Variants in TMEM47 observed in about 807,000 individuals in gnomAD.
TMEM47 encodes the protein brain cell membrane protein 1.
A neutral mutation model predicts 12.4 loss-of-function variants in TMEM47; 3 were observed. The ratio of observed to expected loss-of-function variants is 0.24; its 90% confidence interval spans 0.11 to 0.63. The LOEUF (loss-of-function observed/expected upper bound fraction) is 0.63. Ranked by LOEUF, TMEM47 falls within the 20% of genes least tolerant of loss-of-function variation. The pLI, the probability that TMEM47 is intolerant of heterozygous loss-of-function variation, is 0.86. For synonymous variants in TMEM47, 62 were observed against 63.3 expected (o/e 0.98, Z 0.10); for missense variants, 89 against 143.8 (o/e 0.62, Z 1.95).
chrX:34,657,267 C>G lies in TMEM47; in HGVS notation c.-238G>C, dbSNP rs1486200735. The G allele has an allele frequency of 1.1e-4, 35 of 306,394 alleles. No homozygotes were observed. The highest frequency in any genetic ancestry group is 1.5e-4 in the Non-Finnish European group (32 of 207,609). The allele number at this position is 306,394 out of a possible 1,213,427, so 25.3% of individuals were successfully genotyped here. On this transcript the variant is annotated 5_prime_UTR_variant, in exon 1 of 3. Coordinates refer to ENST00000275954, the MANE Select transcript of TMEM47 (RefSeq NM_031442.4). ...CGATTCCACCCCGGACCTTCGCCGC[C>G]GGCCCCGCGCCGCGCTCTGCCAGCG... is the stretch of plus-strand genomic sequence containing the variant.
At chrX:34,649,456 C>G (rs1394241747) in intron 1 of TMEM47, among the ~76,000 whole-genome samples, 1 of 111,173 alleles carries the variant, frequency 9.0e-6, no homozygotes, top group Non-Finnish European at 1.9e-5. Context: ...GAACAGAAAA[C>G]CAAATACAGC....
intron 2 of TMEM47, among the ~76,000 whole-genome samples, chrX:34,638,139 A>T (rs1256735424): frequency 1.8e-5 from 2 of 111,848 alleles, no homozygotes; most frequent in African/African-American, 6.5e-5. Context: ...TGCATAAATA[A>T]GTGAGGAAGT....
At chrX:34,652,612 T>A (rs991698405) in intron 1 of TMEM47, among the ~76,000 whole-genome samples, 1 of 112,104 alleles carries the variant, frequency 8.9e-6, no homozygotes, top group Non-Finnish European at 1.9e-5. Context: ...AGAAATTATA[T>A]CTGTTCACAC....
chrX:34,656,730 G>A, intron 1 of TMEM47, 74 bp downstream of exon 1: 1 of 1,131,780 alleles, frequency 8.8e-7, no homozygotes, highest in Non-Finnish European at 1.2e-6. Context: ...GGGGACAGGC[G>A]GTGACTGTCC....
chrX:34,630,260 C>A lies in TMEM47; in HGVS notation c.*53G>T. On this transcript the variant is annotated 3_prime_UTR_variant, in exon 3 of 3. Coordinates refer to ENST00000275954, the MANE Select transcript of TMEM47 (RefSeq NM_031442.4). ...AATAGTAAGTTAGAAAAGATGCAGA[C>A]GTAATCCTTTTGTTGGATGGTGGTG... The A allele has an allele frequency of 9.3e-7, 1 of 1,078,508 alleles. No individual in the cohort carries two copies. Among genetic ancestry groups the A allele is most frequent in the Non-Finnish European group, 1.2e-6 (1 of 801,026 alleles). The allele number at this position is 1,078,508 out of a possible 1,213,427, so 88.9% of individuals were successfully genotyped here.
intron 1 of TMEM47, among the ~76,000 whole-genome samples, chrX:34,653,281 C>T (rs1428845841): frequency 8.9e-6 from 1 of 111,893 alleles, no homozygotes; most frequent in Non-Finnish European, 1.9e-5. Flanking sequence ...ACTCACGTTA[C>T]AAATGCAGCT....
chrX:34,642,146 T>G (rs949686122), intron 1 of TMEM47, among the ~76,000 whole-genome samples: 1 of 112,613 alleles, frequency 8.9e-6, no homozygotes, highest in Admixed American at 9.4e-5. Flanking sequence ...CGTGAGCCAC[T>G]GCACCCAGCC....
At chrX:34,641,739 C>G (rs4269688) in intron 1 of TMEM47, among the ~76,000 whole-genome samples, 1 of 111,455 alleles carries the variant, frequency 9.0e-6, no homozygotes, top group Admixed American at 9.5e-5. Context: ...AAGGGCCAGA[C>G]GAGAAATATT....
intron 2 of TMEM47, among the ~76,000 whole-genome samples, chrX:34,636,585 T>C (rs73465246): frequency 0.046 from 5,173 of 111,664 alleles, 288 homozygotes; most frequent in African/African-American, 0.16. Context: ...ACCAAGTCTT[T>C]AGTGAGAACT....
At chrX:34,654,240 A>T (rs184562246) in intron 1 of TMEM47, among the ~76,000 whole-genome samples, 2 of 112,228 alleles carry the variant, frequency 1.8e-5, no homozygotes, top group Non-Finnish European at 1.9e-5. Context: ...ACATTCCTGA[A>T]ATGCTCCTTC....
chrX:34,637,867 A>AC (rs1921744587), intron 2 of TMEM47, among the ~76,000 whole-genome samples: 1 of 109,036 alleles, frequency 9.2e-6, no homozygotes. Flanking sequence ...TACTTTTATT[A>AC]TTTTTTTTTC....
Position 34,627,247 on chromosome X carries a change from T to C in TMEM47, c.*3066A>G, listed in dbSNP as rs1313926795. 2.7e-5 allele frequency: 3 copies of C among 112,273 alleles called. No individual in the cohort carries two copies. Among genetic ancestry groups the C allele is most frequent in the Non-Finnish European group, 3.8e-5 (2 of 53,202 alleles). 9.3% of individuals were successfully genotyped at this position (112,273 alleles called of 1,213,427 possible). ...AAATAACCAGGATACCATGAATTCA[T>C]GTTTAAGTAGTAAACATGTCATATA... On this transcript the variant is annotated 3_prime_UTR_variant, in exon 3 of 3. Coordinates refer to ENST00000275954, the MANE Select transcript of TMEM47 (RefSeq NM_031442.4).
At chrX:34,635,322 C>T (rs775689673) in intron 2 of TMEM47, among the ~76,000 whole-genome samples, 1 of 111,982 alleles carries the variant, frequency 8.9e-6, no homozygotes. Flanking sequence ...GATAATGTAA[C>T]CTTTTAATGG....
At chrX:34,647,538 G>A (rs1437790643) in intron 1 of TMEM47, among the ~76,000 whole-genome samples, 1 of 111,371 alleles carries the variant, frequency 9.0e-6, no homozygotes, top group Non-Finnish European at 1.9e-5. Context: ...TTTTTTAAGT[G>A]AGAGTCTTCA....
At chrX:34,631,559 G>C (rs1440696058) in intron 2 of TMEM47, among the ~76,000 whole-genome samples, 1 of 111,954 alleles carries the variant, frequency 8.9e-6, no homozygotes, top group Non-Finnish European at 1.9e-5. Flanking sequence ...AGAGATAATG[G>C]TACAGGAAAA....
chrX:34,655,612 A>G (rs1922090352), intron 1 of TMEM47, among the ~76,000 whole-genome samples: 1 of 111,977 alleles, frequency 8.9e-6, no homozygotes, highest in East Asian at 2.8e-4. Context: ...GACAAAAGAA[A>G]ATCAGATTTT....
At chrX:34,653,775 T>C (rs2147142861) in intron 1 of TMEM47, among the ~76,000 whole-genome samples, 1 of 112,078 alleles carries the variant, frequency 8.9e-6, no homozygotes, top group East Asian at 2.8e-4. Context: ...AAAACAGTAC[T>C]GGGGAAAACT....
intron 1 of TMEM47, among the ~76,000 whole-genome samples, chrX:34,650,737 G>A (rs1922003746): frequency 8.9e-6 from 1 of 111,941 alleles, no homozygotes; most frequent in African/African-American, 3.2e-5. Flanking sequence ...TTACATTCCA[G>A]ATTCATAATC....
chrX:34,627,934 T>C lies in TMEM47; in HGVS notation c.*2379A>G, dbSNP rs965968682. 1 of 112,116 alleles carries C rather than the reference T, an allele frequency of 8.9e-6. No individual in the cohort carries two copies. Among genetic ancestry groups the C allele is most frequent in the Admixed American group, 9.5e-5 (1 of 10,500 alleles). 9.2% of individuals were successfully genotyped at this position (112,116 alleles called of 1,213,427 possible). On this transcript the variant is annotated 3_prime_UTR_variant, in exon 3 of 3. Transcript: ENST00000275954. ...AAATACTTCCAAATATTAGTGATGG[T>C]AGAAATCTAGTGTAGGGCTCTTTGC...
Sources: gnomAD v4.1 joint callset for allele counts (sites outside exome capture counted in the v4.1 genomes callset) on GRCh38, gnomAD v4.1.1 for gene constraint, MANE v1.5 for transcripts, NCBI Gene and HGNC (gene_info 2026-07-23, HGNC 2026-07-21) for gene names.